G3BP2: variants seen among roughly 807,000 people sequenced by gnomAD.
G3BP2 encodes G3BP stress granule assembly factor 2.
Under a neutral mutation model 56.7 loss-of-function variants are expected in G3BP2, and 11 were observed. The ratio of observed to expected loss-of-function variants is 0.19; its 90% CI spans 0.12 to 0.32. The LOEUF is 0.32. Ranked by LOEUF, G3BP2 falls within the 10% of genes least tolerant of loss-of-function variation. The probability of loss-of-function intolerance (pLI) is 1.00; values close to 1 mark genes in which losing one functional copy is unlikely to be tolerated. For missense variants in G3BP2, 340 were observed against 610.9 expected (o/e 0.56, Z 4.67); for synonymous variants, 165 against 191.6 (o/e 0.86, Z 1.15).
intron 1 of G3BP2, among the ~76,000 whole-genome samples, chr4:75,672,122 G>A (rs1733534554): frequency 6.6e-6 from 1 of 152,168 alleles, no homozygotes; most frequent in South Asian, 2.1e-4. Context: ...CATACAGGGA[G>A]AACAGGACTT....
chr4:75,714,404 A>G (rs1191968868), intron 3 of G3BP2, among the ~76,000 whole-genome samples: 1 of 152,216 alleles, frequency 6.6e-6, no homozygotes, highest in East Asian at 1.9e-4. Flanking sequence ...GGGCGGGCAG[A>G]TCACGTGAGG....
intron 3 of G3BP2, among the ~76,000 whole-genome samples, chr4:75,693,759 A>T (rs1256013948): frequency 1.3e-5 from 2 of 150,734 alleles, no homozygotes; most frequent in African/African-American, 2.4e-5. Context: ...ACTGCACTCT[A>T]GCCTGGTGAC....
At chr4:75,693,516 C>A (rs372848968) in intron 3 of G3BP2, among the ~76,000 whole-genome samples, 4 of 151,406 alleles carry the variant, frequency 2.6e-5, no homozygotes, top group African/African-American at 9.7e-5. Context: ...GTCTGCCAGG[C>A]GCGGTAGCTC....
At chr4:75,719,964 C>T (rs1720091164) in intron 3 of G3BP2, among the ~76,000 whole-genome samples, 2 of 148,734 alleles carry the variant, frequency 1.3e-5, no homozygotes, top group Admixed American at 1.4e-4. Flanking sequence ...TCAAGCGAAA[C>T]AGGAAGTATA....
At chr4:75,681,394 T>G (rs1734068692) in intron 3 of G3BP2, among the ~76,000 whole-genome samples, 1 of 152,072 alleles carries the variant, frequency 6.6e-6, no homozygotes, top group South Asian at 2.1e-4. Flanking sequence ...TAGTCCCCCC[T>G]TATCTGCAGA....
At chr4:75,655,323 G>T in intron 6 of G3BP2, 77 bp from the exon 7 acceptor site, 1 of 999,032 alleles carries the variant, frequency 1.0e-6, no homozygotes, top group Non-Finnish European at 1.5e-6. Flanking sequence ...AATCCAATGG[G>T]TGTAACTAGT....
intron 3 of G3BP2, among the ~76,000 whole-genome samples, chr4:75,680,273 A>C (rs911553898): frequency 1.3e-5 from 2 of 151,908 alleles, no homozygotes; most frequent in Admixed American, 1.3e-4. Context: ...TTTCCTTCTG[A>C]GGGGGGATAG....
chr4:75,719,347 C>CAAAAA (rs55689229), intron 3 of G3BP2, among the ~76,000 whole-genome samples: 4 of 86,974 alleles, frequency 4.6e-5, no homozygotes, highest in African/African-American at 9.2e-5. Flanking sequence ...GACTCCGTCT[C>CAAAAA]AAAAAAAAAA....
At chr4:75,666,446 A>G (rs1480123868) in intron 1 of G3BP2, among the ~76,000 whole-genome samples, 1 of 152,194 alleles carries the variant, frequency 6.6e-6, no homozygotes, top group Non-Finnish European at 1.5e-5. Flanking sequence ...CAAAATCAAG[A>G]TTTACTGAGA....
intron 3 of G3BP2, chr4:75,694,749 C>G: frequency 4.1e-6 from 4 of 985,302 alleles, no homozygotes; most frequent in Non-Finnish European, 4.8e-6. Context: ...GAAAAACAAA[C>G]AAACAAACAA....
At chr4:75,721,706 T>TA (rs1720185662) in intron 2 of G3BP2, among the ~76,000 whole-genome samples, 3 of 152,164 alleles carry the variant, frequency 2.0e-5, no homozygotes, top group Admixed American at 2.0e-4. Context: ...CCACCCCAAC[T>TA]AAAAAACAAT....
chr4:75,721,614 C>T (rs1055626915), intron 2 of G3BP2, among the ~76,000 whole-genome samples: 1 of 152,096 alleles, frequency 6.6e-6, no homozygotes, highest in East Asian at 1.9e-4. Context: ...TAAATAAAAA[C>T]CTATATATGA....
At chr4:75,657,095 T>G in intron 4 of G3BP2, 81 bp from the exon 5 acceptor site, 1 of 654,510 alleles carries the variant, frequency 1.5e-6, no homozygotes, top group Non-Finnish European at 2.6e-6. Context: ...CATACACAAT[T>G]TCTCATTTTA....
intron 3 of G3BP2, among the ~76,000 whole-genome samples, chr4:75,699,037 T>G (rs1014165388): frequency 6.6e-6 from 1 of 152,124 alleles, no homozygotes; most frequent in East Asian, 1.9e-4. Flanking sequence ...CCAGCATCTG[T>G]ACCCACCTAC....
intron 3 of G3BP2, among the ~76,000 whole-genome samples, chr4:75,713,031 C>A (rs957012066): frequency 2.2e-4 from 33 of 151,972 alleles, no homozygotes; most frequent in Admixed American, 1.2e-3. Flanking sequence ...TAAACAAAAC[C>A]CTATTCCCAT....
intron 3 of G3BP2, among the ~76,000 whole-genome samples, chr4:75,709,376 C>T (rs910787207): frequency 8.5e-5 from 12 of 141,010 alleles, no homozygotes; most frequent in African/African-American, 2.6e-4. Flanking sequence ...GCTGAGATTG[C>T]ACCACCACAC....
At chr4:75,671,485 A>C (rs1733483341) in intron 1 of G3BP2, among the ~76,000 whole-genome samples, 1 of 152,146 alleles carries the variant, frequency 6.6e-6, no homozygotes, top group Non-Finnish European at 1.5e-5. Flanking sequence ...TAAGTTAGTT[A>C]CTCTACGAAA....
chr4:75,707,763 G>A lies in G3BP2; in HGVS notation c.-25+13114C>T, dbSNP rs949354465. Among the ~76,000 whole-genome samples the A allele has an allele frequency of 1.3e-4, 20 of 152,258 alleles. 1 individual carries two copies. Among genetic ancestry groups the A allele is most frequent in the Admixed American group, 1.2e-3 (19 of 15,286 alleles). On this transcript the variant is annotated intron_variant, in intron 3 of 3. Transcript: ENST00000499709. ...AAGATAAATTTTATGAAATTAAAATGAACTTGCATTTTTCAAACTTTGTGG... is the reference window on the plus strand; with the variant it reads ...AAGATAAATTTTATGAAATTAAAATAAACTTGCATTTTTCAAACTTTGTGG...
intron 3 of G3BP2, among the ~76,000 whole-genome samples, chr4:75,714,010 G>A (rs1277017102): frequency 6.6e-6 from 1 of 152,132 alleles, no homozygotes; most frequent in Non-Finnish European, 1.5e-5. Flanking sequence ...GAAAGATGGA[G>A]TAACTATTAC....
Sources: allele counts gnomAD v4.1 joint callset (sites outside exome capture counted in the v4.1 genomes callset), GRCh38; gene constraint gnomAD v4.1.1; transcripts MANE v1.5; gene names NCBI Gene and HGNC (gene_info 2026-07-23, HGNC 2026-07-21).